ZDHHC21: variants seen among roughly 807,000 people sequenced by gnomAD.
The protein encoded by ZDHHC21 is palmitoyltransferase ZDHHC21.
ZDHHC21 carries 15 observed loss-of-function variants against 34.6 expected under a neutral mutation model. The ratio of observed to expected loss-of-function variants is 0.43; its 90% confidence interval spans 0.29 to 0.67. The LOEUF is 0.67. ZDHHC21 is among the 30% of genes least tolerant of loss of function. ZDHHC21 has a pLI of 0.14. For missense variants in ZDHHC21, 344 were observed against 327.7 expected (o/e 1.05, Z -0.38); for synonymous variants, 142 against 101.8 (o/e 1.40, Z -2.38).
rs1824360159 is a variant in ZDHHC21 at position 14,617,185 on chromosome 9, C to T, written c.*1781G>A. 1 of 151,974 alleles carries T rather than the reference C, an allele frequency of 6.6e-6. No individual in the cohort carries two copies. Among genetic ancestry groups the T allele is most frequent in the South Asian group, 2.1e-4 (1 of 4,838 alleles). The allele number at this position is 151,974 out of a possible 1,614,324, so 9.4% of individuals were successfully genotyped here. On this transcript the variant is annotated 3_prime_UTR_variant, in exon 10 of 10. Transcript: ENST00000380916. Reference sequence around the variant, plus strand: ...CTTGCACAAAATCCAAACCCTTGTGCCTGACATGAACATTCTAATTTTGTG... The same window carrying T: ...CTTGCACAAAATCCAAACCCTTGTGTCTGACATGAACATTCTAATTTTGTG...
chr9:14,665,219 G>C (rs1470160643), intron 5 of ZDHHC21, among the ~76,000 whole-genome samples: 5 of 136,534 alleles, frequency 3.7e-5, no homozygotes, highest in African/African-American at 8.5e-5. Flanking sequence ...CTCAGGAGCC[G>C]ATGCGATCAA....
At chr9:14,647,865 G>A (rs2133801701) in intron 7 of ZDHHC21, among the ~76,000 whole-genome samples, 1 of 152,112 alleles carries the variant, frequency 6.6e-6, no homozygotes, top group Middle Eastern at 3.4e-3. Context: ...CAGTTTCCAT[G>A]TCTTTAAATA....
intron 8 of ZDHHC21, among the ~76,000 whole-genome samples, chr9:14,639,010 T>C (rs1171918068): frequency 1.3e-5 from 2 of 151,852 alleles, no homozygotes; most frequent in Non-Finnish European, 2.9e-5. Context: ...TGGGTATTTA[T>C]CCAAAGGAAA....
intron 3 of ZDHHC21, among the ~76,000 whole-genome samples, chr9:14,679,808 A>T (rs777762984): frequency 3.9e-5 from 6 of 152,144 alleles, no homozygotes; most frequent in Non-Finnish European, 8.8e-5. Flanking sequence ...CGATTCAGAA[A>T]GATGTTTCTG....
chr9:14,634,224 T>C lies in ZDHHC21; in HGVS notation c.621+5672A>G, dbSNP rs116511146. Among the ~76,000 whole-genome samples, 668 of 152,288 alleles carry C rather than the reference T, an allele frequency of 4.4e-3. 5 individuals carry two copies. The highest frequency in any genetic ancestry group is 0.015 in the African/African-American group (617 of 41,574). ...TCTGAGGGCTGGCCCACCCAGCCCATTGCTGATATTGTCAACGCCTACACA... is the reference window on the plus strand; with the variant it reads ...TCTGAGGGCTGGCCCACCCAGCCCACTGCTGATATTGTCAACGCCTACACA... On this transcript the variant is annotated intron_variant, in intron 8 of 9. Coordinates refer to ENST00000380916, the MANE Select transcript of ZDHHC21 (RefSeq NM_178566.6).
At chr9:14,665,989 C>A (rs886328431) in intron 5 of ZDHHC21, among the ~76,000 whole-genome samples, 2,259 of 149,564 alleles carry the variant, frequency 0.015, 30 homozygotes, top group African/African-American at 0.035. Flanking sequence ...ATCAAATTCA[C>A]ACATAACAAT....
intron 5 of ZDHHC21, among the ~76,000 whole-genome samples, chr9:14,670,601 G>A (rs866242169): frequency 2.6e-5 from 4 of 151,902 alleles, no homozygotes; most frequent in Non-Finnish European, 4.4e-5. Flanking sequence ...TAGTAAAGAA[G>A]AATTTATTTG....
intron 8 of ZDHHC21, among the ~76,000 whole-genome samples, chr9:14,629,119 T>C (rs1052057572): frequency 5.9e-5 from 9 of 152,198 alleles, no homozygotes; most frequent in African/African-American, 2.2e-4. Flanking sequence ...TCTTGCTTTC[T>C]CTTTCTTAAC....
At chr9:14,678,307 C>A (rs531084989) in intron 3 of ZDHHC21, among the ~76,000 whole-genome samples, 1 of 151,990 alleles carries the variant, frequency 6.6e-6, no homozygotes, top group African/African-American at 2.4e-5. Flanking sequence ...AAAATTAACA[C>A]ATCTGAAGCC....
At chr9:14,598,776 G>A in the ZDHHC21 span, among the ~76,000 whole-genome samples, 11 of 151,832 alleles carry the variant, frequency 7.2e-5, no homozygotes, top group African/African-American at 2.2e-4. Context: ...TTTAAGACAG[G>A]GTCTCACTCT....
Position 14,612,373 on chromosome 9 carries a change from T to G in ZDHHC21, c.*6593A>C, listed in dbSNP as rs1823448235. ...TTCTTGCCAGAATGATTAACCATTTTAGCTGCAGTTGTAAGGACACTGAGT... is the reference window on the plus strand; with the variant it reads ...TTCTTGCCAGAATGATTAACCATTTGAGCTGCAGTTGTAAGGACACTGAGT... On this transcript the variant is annotated 3_prime_UTR_variant, in exon 10 of 10. Coordinates refer to ENST00000380916, the MANE Select transcript of ZDHHC21 (RefSeq NM_178566.6). 6.6e-6 allele frequency: 1 copy of G among 152,028 alleles called. No individual in the cohort carries two copies. Among genetic ancestry groups the G allele is most frequent in the Non-Finnish European group, 1.5e-5 (1 of 67,948 alleles). 9.4% of individuals were successfully genotyped at this position (152,028 alleles called of 1,614,324 possible).
intron 2 of ZDHHC21, among the ~76,000 whole-genome samples, chr9:14,681,477 T>C (rs1223545497): frequency 6.6e-6 from 1 of 152,158 alleles, no homozygotes; most frequent in Admixed American, 6.5e-5. Flanking sequence ...AAAATCACTG[T>C]TAAACCATGC....
chr9:14,640,387 T>A (rs901446555), intron 7 of ZDHHC21, among the ~76,000 whole-genome samples: 1 of 151,728 alleles, frequency 6.6e-6, no homozygotes, highest in Non-Finnish European at 1.5e-5. Flanking sequence ...AATCTTTGGT[T>A]TACAAAAGGA....
intron 8 of ZDHHC21, among the ~76,000 whole-genome samples, chr9:14,635,456 T>C (rs958440838): frequency 2.0e-5 from 3 of 152,216 alleles, no homozygotes; most frequent in African/African-American, 7.2e-5. Flanking sequence ...AAGTCCCATA[T>C]GAGGAATCTG....
chr9:14,693,219 GCA>G lies in ZDHHC21; in HGVS notation c.-225+8_-225+9del. On this transcript the variant is annotated splice_region_variant and intron_variant, in intron 1 of 9. Coordinates refer to ENST00000380916, the MANE Select transcript of ZDHHC21 (RefSeq NM_178566.6). ...GGGCGGCCGCTTCGCCCCCGCGCCT[GCA>G]CACTCACCGTCGCCGCTGGCTCGCC... 2.5e-6 allele frequency: 1 copy of G among 393,576 alleles called. No homozygotes were observed. The highest frequency in any genetic ancestry group is 1.4e-4 in the East Asian group (1 of 7,308). 24.4% of individuals were successfully genotyped at this position (393,576 alleles called of 1,614,324 possible). A position where few individuals can be genotyped will look rare whatever the true frequency, so the allele number is the denominator to read the frequency against.
At chr9:14,600,554 T>C in the ZDHHC21 span, among the ~76,000 whole-genome samples, 1 of 152,202 alleles carries the variant, frequency 6.6e-6, no homozygotes, top group African/African-American at 2.4e-5. Context: ...GAAGAATCAA[T>C]ATGGTGAAAA....
intron 8 of ZDHHC21, among the ~76,000 whole-genome samples, chr9:14,625,999 G>C (rs1826141749): frequency 6.6e-6 from 1 of 151,882 alleles, no homozygotes; most frequent in East Asian, 1.9e-4. Flanking sequence ...AAGCCAGCAA[G>C]GATGATTATA....
chr9:14,622,574 G>A (rs760663344), intron 8 of ZDHHC21: 15 of 985,148 alleles, frequency 1.5e-5, no homozygotes, highest in African/African-American at 5.2e-5. Context: ...TAGAGCGCTT[G>A]ATGATACAAT....
At chr9:14,658,082 T>C (rs1832603277) in intron 7 of ZDHHC21, among the ~76,000 whole-genome samples, 1 of 152,206 alleles carries the variant, frequency 6.6e-6, no homozygotes, top group Non-Finnish European at 1.5e-5. Flanking sequence ...GTTCTCTTTC[T>C]CAAGAACGTA....
Sources: gnomAD v4.1 joint callset for allele counts (sites outside exome capture counted in the v4.1 genomes callset) on GRCh38, gnomAD v4.1.1 for gene constraint, MANE v1.5 for transcripts, NCBI Gene and HGNC (gene_info 2026-07-23, HGNC 2026-07-21) for gene names.